TNIK: variants seen among roughly 807,000 people sequenced by gnomAD.
The protein encoded by TNIK is TRAF2 and NCK-interacting protein kinase.
In TNIK, 49 loss-of-function variants were observed where a neutral mutation model predicts 191.3. That is an observed-to-expected ratio of 0.26 (90% CI 0.20 to 0.32). The LOEUF (loss-of-function observed/expected upper bound fraction) is 0.32, where lower values mean the gene tolerates loss of function less well. TNIK is among the 10% of genes least tolerant of loss of function. The probability of loss-of-function intolerance (pLI) is 1.00; values close to 1 mark genes in which losing one functional copy is unlikely to be tolerated. For synonymous variants in TNIK, 594 were observed against 600.9 expected, an observed-to-expected ratio of 0.99 and a Z score of 0.17; for missense variants, 1,155 against 1,702.3, an observed-to-expected ratio of 0.68 and a Z score of 5.66.
intron 1 of TNIK, among the ~76,000 whole-genome samples, chr3:171,399,647 T>A (rs898859129): frequency 1.3e-5 from 2 of 152,084 alleles, no homozygotes; most frequent in African/African-American, 4.8e-5. Flanking sequence ...TGGCAATAAA[T>A]ATTATTACCA....
chr3:171,354,785 C>CAG (rs965388970), intron 2 of TNIK, among the ~76,000 whole-genome samples: 1 of 152,182 alleles, frequency 6.6e-6, no homozygotes, highest in Non-Finnish European at 1.5e-5. Context: ...ATATAGATTT[C>CAG]AGAGAGAGGT....
chr3:171,419,357 A>G (rs1031111783), intron 1 of TNIK, among the ~76,000 whole-genome samples: 4 of 152,222 alleles, frequency 2.6e-5, no homozygotes, highest in African/African-American at 9.6e-5. Context: ...GGATGGGGAT[A>G]GAGTTGAAGG....
At chr3:171,225,110 ATTTCAGTTT>A (rs1348443094) in intron 3 of TNIK, among the ~76,000 whole-genome samples, 28 of 152,200 alleles carry the variant, frequency 1.8e-4, no homozygotes, top group African/African-American at 6.5e-4. Flanking sequence ...TTGAGAATTC[ATTTCAGTTT>A]TTTAACAGAG....
At chr3:171,188,912 T>G (rs2108826374) in intron 6 of TNIK, 80 bp from the exon 7 acceptor site, 1 of 1,518,776 alleles carries the variant, frequency 6.6e-7, no homozygotes, top group East Asian at 2.3e-5. Context: ...ATTATTTTAT[T>G]GTGGTAAAAC....
At chr3:171,397,699 G>T (rs1185810468) in intron 1 of TNIK, among the ~76,000 whole-genome samples, 1 of 152,110 alleles carries the variant, frequency 6.6e-6, no homozygotes, top group Non-Finnish European at 1.5e-5. Context: ...ATATCTTAAA[G>T]AAAATGCATA....
At chr3:171,099,699 G>A (rs933314177) in intron 22 of TNIK, among the ~76,000 whole-genome samples, 10 of 152,114 alleles carry the variant, frequency 6.6e-5, no homozygotes, top group Non-Finnish European at 1.0e-4. Context: ...ACCTATGCAG[G>A]CGGGGCTGTG....
At chr3:171,336,473 T>TA (rs1298344274) in intron 2 of TNIK, among the ~76,000 whole-genome samples, 1 of 152,232 alleles carries the variant, frequency 6.6e-6, no homozygotes, top group East Asian at 1.9e-4. Flanking sequence ...TAACCTGCTG[T>TA]ATGACCACAT....
intron 15 of TNIK, among the ~76,000 whole-genome samples, chr3:171,134,734 T>C (rs1268095738): frequency 6.6e-6 from 1 of 152,188 alleles, no homozygotes; most frequent in Non-Finnish European, 1.5e-5. Context: ...TGCTCTACAA[T>C]ATCCAACATA....
chr3:171,319,569 G>GT (rs760116681), intron 2 of TNIK, among the ~76,000 whole-genome samples: 1 of 152,138 alleles, frequency 6.6e-6, no homozygotes, highest in Non-Finnish European at 1.5e-5. Context: ...TGGCTAGGAG[G>GT]TTAGTTGACC....
At chr3:171,390,471 C>T (rs1719343105) in intron 1 of TNIK, among the ~76,000 whole-genome samples, 2 of 152,202 alleles carry the variant, frequency 1.3e-5, no homozygotes. Flanking sequence ...CCGTCATTCC[C>T]TCATGGACTG....
chr3:171,336,215 C>T (rs772065561), intron 2 of TNIK, among the ~76,000 whole-genome samples: 19 of 152,140 alleles, frequency 1.2e-4, no homozygotes, highest in South Asian at 2.1e-4. Context: ...CCATTTTCCA[C>T]GGCAAATTTC....
At chr3:171,224,098 A>G (rs1365654759) in intron 3 of TNIK, among the ~76,000 whole-genome samples, 5 of 152,168 alleles carry the variant, frequency 3.3e-5, no homozygotes, top group Admixed American at 6.5e-5. Flanking sequence ...GCTGGGACCA[A>G]TGGCAATGAG....
chr3:171,140,626 A>G, intron 12 of TNIK, 117 bp from the exon 13 acceptor site: 1 of 866,134 alleles, frequency 1.2e-6, no homozygotes, highest in Non-Finnish European at 1.9e-6. Context: ...ATATGCCTAA[A>G]TGCTCCAAGG....
intron 3 of TNIK, among the ~76,000 whole-genome samples, chr3:171,215,170 A>T (rs990548084): frequency 2.6e-5 from 4 of 152,126 alleles, no homozygotes; most frequent in African/African-American, 9.7e-5. Context: ...CCCATGTGAG[A>T]AACCGGGATT....
chr3:171,408,066 G>A (rs952036282), intron 1 of TNIK, among the ~76,000 whole-genome samples: 2 of 152,092 alleles, frequency 1.3e-5, no homozygotes, highest in African/African-American at 4.8e-5. Context: ...AGTATAATGG[G>A]ACTCATAACA....
chr3:171,260,940 A>T (rs1195865250), intron 2 of TNIK, among the ~76,000 whole-genome samples: 1 of 152,212 alleles, frequency 6.6e-6, no homozygotes, highest in East Asian at 1.9e-4. Context: ...ATTTTCAAAT[A>T]TTTTCCTAAA....
intron 1 of TNIK, among the ~76,000 whole-genome samples, chr3:171,414,684 G>A (rs1014728542): frequency 6.6e-6 from 1 of 152,154 alleles, no homozygotes; most frequent in African/African-American, 2.4e-5. Context: ...TGGCACCACA[G>A]GATTTAAAAC....
At chr3:171,204,199 C>T (rs1053938863) in intron 4 of TNIK, among the ~76,000 whole-genome samples, 1 of 152,152 alleles carries the variant, frequency 6.6e-6, no homozygotes, top group African/African-American at 2.4e-5. Context: ...ATTGAAAGGG[C>T]TCCCTTTTTT....
rs140482324 is a variant in TNIK, at chr3:171,066,560, G to C, written c.3859+16C>G. The C allele has an allele frequency of 1.1e-5, 17 of 1,612,258 alleles. No homozygotes were observed. Among genetic ancestry groups the C allele is most frequent in the Non-Finnish European group, 1.1e-5 (13 of 1,179,680 alleles). On this transcript the variant is annotated intron_variant, in intron 31 of 32. Coordinates refer to ENST00000436636, the MANE Select transcript of TNIK (RefSeq NM_015028.4). ...GGGGTGTAACTGCTGAAGGAGATAA[G>C]GAATGGTTAACCTACCCACAGACGT...
Sources: allele counts gnomAD v4.1 joint callset (sites outside exome capture counted in the v4.1 genomes callset), GRCh38; gene constraint gnomAD v4.1.1; transcripts MANE v1.5; gene names NCBI Gene and HGNC (gene_info 2026-07-23, HGNC 2026-07-21).